Variants in STK10 observed in about 807,000 individuals in gnomAD.
STK10 encodes serine/threonine-protein kinase 10.
In STK10, 78 loss-of-function variants were observed where a neutral mutation model predicts 113.8. That is an observed-to-expected ratio of 0.69 (90% CI 0.57 to 0.83). The LOEUF (loss-of-function observed/expected upper bound fraction) is 0.83. STK10 is among the 40% of genes least tolerant of loss of function. The pLI is 0.00. For synonymous variants in STK10, 465 were observed against 494.7 expected (o/e 0.94, Z 0.80); for missense variants, 1,109 against 1,280.1 (o/e 0.87, Z 2.04).
chr5:172,052,638 C>G (rs895142828), intron 18 of STK10, among the ~76,000 whole-genome samples: 7 of 152,256 alleles, frequency 4.6e-5, no homozygotes, highest in African/African-American at 1.7e-4. Flanking sequence ...TCTGGCCCAG[C>G]AGCGTGGCTG....
At chr5:172,113,955 C>T (rs1006786152) in intron 4 of STK10, among the ~76,000 whole-genome samples, 2 of 152,048 alleles carry the variant, frequency 1.3e-5, no homozygotes, top group Non-Finnish European at 2.9e-5. Context: ...TGAGAACTTA[C>T]CATATGCATA....
At chr5:172,102,191 T>C (rs1437806339) in intron 7 of STK10, among the ~76,000 whole-genome samples, 1 of 151,578 alleles carries the variant, frequency 6.6e-6, no homozygotes, top group Non-Finnish European at 1.5e-5. Context: ...GCCCAGGTAG[T>C]GGCTGCAATG....
chr5:172,059,296 G>C (rs1767878185), intron 14 of STK10, among the ~76,000 whole-genome samples: 1 of 152,000 alleles, frequency 6.6e-6, no homozygotes, highest in African/African-American at 2.4e-5. Context: ...GTGGCGCAAA[G>C]CTGTAATCAT....
intron 1 of STK10, among the ~76,000 whole-genome samples, chr5:172,162,785 A>G (rs1017458097): frequency 6.6e-6 from 1 of 152,192 alleles, no homozygotes; most frequent in Non-Finnish European, 1.5e-5. Flanking sequence ...AGAAGGCCGC[A>G]TGTCACCTTT....
At chr5:172,152,898 A>T in intron 2 of STK10, among the ~76,000 whole-genome samples, 1 of 152,268 alleles carries the variant, frequency 6.6e-6, no homozygotes, top group East Asian at 1.9e-4. Flanking sequence ...CAAAATGATC[A>T]TATTTTTATA....
intron 10 of STK10, among the ~76,000 whole-genome samples, chr5:172,087,631 T>TTA (rs1561801957): frequency 2.3e-5 from 3 of 128,284 alleles, no homozygotes; most frequent in African/African-American, 1.1e-4. Flanking sequence ...TTATTTTTTT[T>TTA]TTTTTTTTGA....
intron 3 of STK10, among the ~76,000 whole-genome samples, chr5:172,124,210 T>C (rs1318408591): frequency 6.6e-6 from 1 of 152,142 alleles, no homozygotes; most frequent in Non-Finnish European, 1.5e-5. Flanking sequence ...ATTACAGGCT[T>C]GAGCCGCTGC....
chr5:172,045,311 C>G, intron 18 of STK10: 1 of 565,196 alleles, frequency 1.8e-6, no homozygotes, highest in Non-Finnish European at 3.3e-6. Context: ...ATGCAAATCC[C>G]CTGGCAGGAA....
intron 12 of STK10, among the ~76,000 whole-genome samples, chr5:172,068,995 C>T (rs190693805): frequency 8.3e-4 from 126 of 151,898 alleles, no homozygotes; most frequent in Non-Finnish European, 3.5e-4. Context: ...ACAATATCAA[C>T]TCTAAATAGA....
chr5:172,044,836 A>G lies in STK10; in HGVS notation c.*46T>C. On this transcript the variant is annotated 3_prime_UTR_variant, in exon 19 of 19. Transcript: ENST00000176763. This position sits in a 1 kb window ranked among gnomAD's most constrained non-coding sequence, Gnocchi z 4.5. ...ACATGTTCACAGAGAATGAAGGAGA[A>G]GGCCCTGGGGCCCACCAAGCTGCCA... is the stretch of plus-strand genomic sequence containing the variant. The G allele has an allele frequency of 6.2e-7, 1 of 1,613,638 alleles. No homozygotes were observed. Among genetic ancestry groups the G allele is most frequent in the African/African-American group, 1.3e-5 (1 of 75,064 alleles).
intron 1 of STK10, among the ~76,000 whole-genome samples, chr5:172,166,220 G>A (rs373406176): frequency 4.6e-5 from 7 of 152,326 alleles, no homozygotes; most frequent in African/African-American, 1.7e-4. Flanking sequence ...AGTGGCTGCC[G>A]GAGGGTGAGG....
chr5:172,095,611 C>A (rs995902926), intron 8 of STK10, among the ~76,000 whole-genome samples: 1 of 152,254 alleles, frequency 6.6e-6, no homozygotes, highest in African/African-American at 2.4e-5. Flanking sequence ...GATGATTCCG[C>A]TTGCCCTGCC....
chr5:172,128,451 C>T (rs1162330008), intron 2 of STK10, among the ~76,000 whole-genome samples: 1 of 151,808 alleles, frequency 6.6e-6, no homozygotes, highest in Non-Finnish European at 1.5e-5. Context: ...CTGCCTCAGC[C>T]TCCTGAGTAG....
intron 3 of STK10, among the ~76,000 whole-genome samples, chr5:172,125,999 T>G (rs146586297): frequency 1.5e-4 from 23 of 152,344 alleles, no homozygotes; most frequent in African/African-American, 5.1e-4. Context: ...AGGACTACAG[T>G]TGGCTCCCTC....
At chr5:172,186,055 A>G (rs1479345896) in intron 1 of STK10, among the ~76,000 whole-genome samples, 1 of 151,090 alleles carries the variant, frequency 6.6e-6, no homozygotes, top group Non-Finnish European at 1.5e-5. Context: ...GGGTGGATCA[A>G]CTGAGGTCAG....
intron 14 of STK10, 103 bp downstream of exon 14, chr5:172,061,036 T>G: frequency 1.4e-6 from 2 of 1,447,000 alleles, no homozygotes; most frequent in Non-Finnish European, 1.8e-6. Flanking sequence ...GTTTTGGGGA[T>G]GGAGAAGGCC....
chr5:172,157,615 G>A (rs951799823), intron 1 of STK10, among the ~76,000 whole-genome samples: 3 of 151,800 alleles, frequency 2.0e-5, no homozygotes, highest in Non-Finnish European at 4.4e-5. Context: ...TTTTGAGATG[G>A]AGTCTCACTC....
chr5:172,146,579 C>T (rs969159849), intron 2 of STK10, among the ~76,000 whole-genome samples: 5 of 152,168 alleles, frequency 3.3e-5, no homozygotes, highest in Admixed American at 6.5e-5. Context: ...GTCACCTGGC[C>T]GGGGCAGGAC....
intron 5 of STK10, among the ~76,000 whole-genome samples, chr5:172,107,577 G>C (rs1769144080): frequency 6.6e-6 from 1 of 152,166 alleles, no homozygotes; most frequent in Non-Finnish European, 1.5e-5. Context: ...TTAAGTAGGG[G>C]CCATTATATC....
Sources: allele counts gnomAD v4.1 joint callset (sites outside exome capture counted in the v4.1 genomes callset), GRCh38; gene constraint gnomAD v4.1.1; non-coding constraint Gnocchi (gnomAD v3.1); transcripts MANE v1.5; gene names NCBI Gene and HGNC (gene_info 2026-07-23, HGNC 2026-07-21).